The following MYO9B variants were observed in gnomAD, a reference collection of about 807,000 sequenced individuals.
MYO9B encodes myosin IXB, also known as unconventional myosin-IXb.
In MYO9B, 71 loss-of-function variants were observed where a neutral mutation model predicts 229.5. That is an observed-to-expected ratio of 0.31 (90% CI 0.26 to 0.38). The LOEUF is 0.38. Among genes scored for constraint, MYO9B ranks in the 10% least tolerant of loss-of-function variants. The pLI is 1.00. For missense variants in MYO9B, 2,255 were observed against 2,920.5 expected (o/e 0.77, Z 5.25); for synonymous variants, 1,185 against 1,235.8 (o/e 0.96, Z 0.86).
At chr19:17,110,997 C>T (rs1390339558) in intron 2 of MYO9B, among the ~76,000 whole-genome samples, 1 of 152,152 alleles carries the variant, frequency 6.6e-6, no homozygotes, top group Admixed American at 6.5e-5. Context: ...TCAGCCAGGC[C>T]ACTAGCTCTG....
At chr19:17,161,722 T>C (rs1376514184) in intron 8 of MYO9B, among the ~76,000 whole-genome samples, 1 of 151,736 alleles carries the variant, frequency 6.6e-6, no homozygotes, top group Non-Finnish European at 1.5e-5. Flanking sequence ...AGGCTGAGGC[T>C]GGAGAATCGC....
Position 17,193,374 on chromosome 19 carries a change from A to T in MYO9B, c.3128+312A>T, listed in dbSNP as rs1023200842. Among the ~76,000 whole-genome samples the T allele has an allele frequency of 6.6e-6, 1 of 152,144 alleles. No individual in the cohort carries two copies. Among genetic ancestry groups the T allele is most frequent in the Non-Finnish European group, 1.5e-5 (1 of 68,024 alleles). ...ATTCAGGGTTGGAGGGGCTGCCTGG[A>T]CCAGCCCAACACTCACATGGAGCTG... On this transcript the variant is annotated intron_variant, in intron 21 of 39. Coordinates refer to ENST00000682292, the MANE Select transcript of MYO9B (RefSeq NM_004145.4). The surrounding 1 kb of genome is among the most constrained non-coding windows in gnomAD (Gnocchi z 4.3).
Position 17,193,137 on chromosome 19 carries a change from A to T in MYO9B, c.3128+75A>T. The T allele has an allele frequency of 7.2e-7, 1 of 1,389,908 alleles. No homozygotes were observed. Among genetic ancestry groups the T allele is most frequent in the Non-Finnish European group, 9.4e-7 (1 of 1,060,860 alleles). 86.1% of individuals were successfully genotyped at this position (1,389,908 alleles called of 1,614,324 possible). A position where few individuals can be genotyped will look rare whatever the true frequency, so the allele number is the denominator to read the frequency against. ...GTCACTCACCAAATTGCTGCCCGTG[A>T]TATACCATCTGGCCTGTGGCACTAA... On this transcript the variant is annotated intron_variant, in intron 21 of 39. Coordinates refer to ENST00000682292, the MANE Select transcript of MYO9B (RefSeq NM_004145.4). The surrounding 1 kb of genome is among the most constrained non-coding windows in gnomAD (Gnocchi z 4.3).
At chr19:17,175,768 C>T (rs1414129410) in intron 14 of MYO9B, 27 bp downstream of exon 14, 9 of 1,525,424 alleles carry the variant, frequency 5.9e-6, no homozygotes, top group Non-Finnish European at 8.0e-6. Flanking sequence ...TTTGCCCAAA[C>T]TGAAATCATT....
At position 17,096,698 on chromosome 19, in the gene MYO9B, T is replaced by TG. The variant is rs2057693846; in HGVS notation, c.-58-4961dup. Among the ~76,000 whole-genome samples, 8 of 52,844 alleles carry TG rather than the reference T, an allele frequency of 1.5e-4. No individual in the cohort carries two copies. In the East Asian group the frequency reaches 2.8e-3, roughly 18 times the overall value. The allele number at this position is 52,844 out of a possible 152,430, so 34.7% of individuals were successfully genotyped here. On this transcript the variant is annotated intron_variant, in intron 1 of 39. Transcript: ENST00000682292. The stretch of plus-strand genomic sequence containing the variant: ...TTGTTGTTGTTGTTGTTGTTGTTGT[T>TG]GTTGTTGGTTTTTTTTTTTTTTTTG...
At chr19:17,167,800 C>A in intron 10 of MYO9B, 143 bp from the exon 11 acceptor site, 2 of 1,099,044 alleles carry the variant, frequency 1.8e-6, no homozygotes, top group Middle Eastern at 2.5e-4. Context: ...AATTTTAAGC[C>A]ACGCATCAGT....
chr19:17,141,977 G>A (rs1195804636), intron 2 of MYO9B, among the ~76,000 whole-genome samples: 3 of 152,100 alleles, frequency 2.0e-5, no homozygotes, highest in African/African-American at 7.2e-5. Context: ...GGGAGTTCAA[G>A]ACCAGCCTGG....
chr19:17,101,207 C>G lies in MYO9B; in HGVS notation c.-58-453C>G, dbSNP rs556643203. 4.6e-5 allele frequency among the ~76,000 whole-genome samples: 7 copies of G among 151,810 alleles called. No homozygotes were observed. Among genetic ancestry groups the G allele is most frequent in the Non-Finnish European group, 1.0e-4 (7 of 67,926 alleles). ...TATTTTTTTTTAAGTGACAGGGTCT[C>G]TCTCTCTCACCCAGGCTGGAGCACA... On this transcript the variant is annotated intron_variant, in intron 1 of 39. Coordinates refer to ENST00000682292, the MANE Select transcript of MYO9B (RefSeq NM_004145.4). This position sits in a 1 kb window ranked among gnomAD's most constrained non-coding sequence, Gnocchi z 4.7.
At chr19:17,089,169 C>CT (rs1165712777) in intron 1 of MYO9B, among the ~76,000 whole-genome samples, 2 of 151,952 alleles carry the variant, frequency 1.3e-5, no homozygotes, top group African/African-American at 4.8e-5. Flanking sequence ...GTCTCTAAGT[C>CT]GTCCTCCCAC....
At chr19:17,207,282 A>C in intron 35 of MYO9B, 38 bp downstream of exon 35, 3 of 1,575,290 alleles carry the variant, frequency 1.9e-6, no homozygotes, top group Non-Finnish European at 1.7e-6. Flanking sequence ...TGCTCAGGGC[A>C]GCCCCACCCA....
At chr19:17,128,143 G>A (rs928118502) in intron 2 of MYO9B, among the ~76,000 whole-genome samples, 4 of 151,822 alleles carry the variant, frequency 2.6e-5, no homozygotes, top group African/African-American at 4.8e-5. Flanking sequence ...TTGGGAGGCC[G>A]AGGCAGGAGA....
chr19:17,104,220 G>A (rs2057772494), intron 2 of MYO9B, among the ~76,000 whole-genome samples: 1 of 152,192 alleles, frequency 6.6e-6, no homozygotes, highest in Non-Finnish European at 1.5e-5. Context: ...AAGGAAGCCA[G>A]CAAGGCGTAC....
intron 11 of MYO9B, among the ~76,000 whole-genome samples, chr19:17,169,802 C>CTTTTTT (rs762583073): frequency 1.3e-4 from 14 of 106,592 alleles, no homozygotes; most frequent in Non-Finnish European, 1.7e-4. Context: ...CTGTCTCCTC[C>CTTTTTT]TTTTTTTTTT....
intron 3 of MYO9B, among the ~76,000 whole-genome samples, chr19:17,151,578 C>G (rs1568275265): frequency 6.6e-6 from 1 of 152,192 alleles, no homozygotes; most frequent in Non-Finnish European, 1.5e-5. Context: ...CCAGCAAGCA[C>G]ATGAGATGTT....
chr19:17,159,687 G>A (rs372633906), intron 8 of MYO9B, among the ~76,000 whole-genome samples: 4 of 152,352 alleles, frequency 2.6e-5, no homozygotes, highest in African/African-American at 9.6e-5. Flanking sequence ...CAGAACTTGA[G>A]CCACATGCAT....
intron 2 of MYO9B, among the ~76,000 whole-genome samples, chr19:17,137,430 G>C (rs1354996057): frequency 6.6e-6 from 1 of 152,042 alleles, no homozygotes; most frequent in South Asian, 2.1e-4. Context: ...AACAAGAGGT[G>C]AGCAAGGCTC....
In MYO9B at chr19:17,203,030, T is replaced by G. The variant is rs567186645; in HGVS notation, c.4879-117T>G. 3.5e-5 allele frequency: 47 copies of G among 1,352,196 alleles called. No homozygotes were observed. In the South Asian group the frequency reaches 6.1e-4, roughly 18 times the overall value. 83.8% of individuals were successfully genotyped at this position (1,352,196 alleles called of 1,614,324 possible). A position where few individuals can be genotyped will look rare whatever the true frequency, so the allele number is the denominator to read the frequency against. ...GTGAGTGTGTTTTTCCCCCGGCATA[T>G]ACGGAGCCGTAGTCTTGAATAAGTC... is the stretch of plus-strand genomic sequence containing the variant. On this transcript the variant is annotated intron_variant, in intron 29 of 39. Transcript: ENST00000682292.
intron 1 of MYO9B, among the ~76,000 whole-genome samples, chr19:17,077,335 G>A (rs1269504490): frequency 1.3e-5 from 2 of 152,300 alleles, no homozygotes; most frequent in Non-Finnish European, 2.9e-5. Context: ...GGAATATAAA[G>A]AGGGCCACAG....
intron 1 of MYO9B, among the ~76,000 whole-genome samples, chr19:17,093,121 C>G (rs1419661290): frequency 6.6e-6 from 1 of 151,928 alleles, no homozygotes; most frequent in African/African-American, 2.4e-5. Context: ...CACCTGAGGT[C>G]AGGAGTTGGA....
Sources: allele counts gnomAD v4.1 joint callset (sites outside exome capture counted in the v4.1 genomes callset), GRCh38; gene constraint gnomAD v4.1.1; non-coding constraint Gnocchi (gnomAD v3.1); transcripts MANE v1.5; gene names NCBI Gene and HGNC (gene_info 2026-07-23, HGNC 2026-07-21).